C2orf78: variants seen among roughly 807,000 people sequenced by gnomAD.
C2orf78 encodes uncharacterized protein C2orf78.
C2orf78 carries 12 observed loss-of-function variants against 21.4 expected under a neutral mutation model. The observed-to-expected ratio is 0.56, with a 90% confidence interval of 0.36 to 0.91. The LOEUF (loss-of-function observed/expected upper bound fraction) is 0.91. Ranked by LOEUF, C2orf78 falls within the 40% of genes least tolerant of loss-of-function variation. The pLI is 0.01. For missense variants in C2orf78, 1,042 were observed against 1,092.4 expected (o/e 0.95, Z 0.65); for synonymous variants, 396 against 413.9 (o/e 0.96, Z 0.52).
exon 3 of C2orf78, chr2:73,816,620 T>G: frequency 6.2e-7 from 1 of 1,613,334 alleles, no homozygotes; most frequent in Non-Finnish European, 8.5e-7. Flanking sequence ...CAGCCAACCC[T>G]ACCCAGCCTA....
intron 1 of C2orf78, chr2:73,808,952 A>C (rs1673014552): frequency 3.3e-6 from 2 of 602,630 alleles, no homozygotes; most frequent in Non-Finnish European, 5.8e-6. Flanking sequence ...CTTTGCCACT[A>C]AATTTAGATT....
chr2:73,815,941 C>T (rs745671895), exon 3 of C2orf78: 3 of 1,613,654 alleles, frequency 1.9e-6, no homozygotes, highest in South Asian at 2.2e-5. Context: ...CAGGAAAAGA[C>T]CAAAGGGAAC....
At chr2:73,807,873 A>G (rs1314141127) in intron 1 of C2orf78, among the ~76,000 whole-genome samples, 2 of 149,886 alleles carry the variant, frequency 1.3e-5, no homozygotes, top group Non-Finnish European at 2.9e-5. Context: ...AGAGCCTTGG[A>G]CCACATCATT....
In C2orf78 at chr2:73,784,468, T is replaced by C. The variant is rs975979114; in HGVS notation, c.97+62T>C. The C allele has an allele frequency of 1.8e-4, 106 of 580,466 alleles. 2 individuals carry two copies. Among genetic ancestry groups the C allele is most frequent in the African/African-American group, 1.7e-3 (91 of 52,040 alleles). The allele number at this position is 580,466 out of a possible 1,614,324, so 36.0% of individuals were successfully genotyped here. On this transcript the variant is annotated intron_variant, in intron 1 of 2. Coordinates refer to ENST00000409561, the Ensembl canonical transcript of C2orf78. ...ATTTCTTTGCCACTAAATTTAGATT[T>C]CTTTCCCCCTATATTCCCAAACAGC...
intron 1 of C2orf78, among the ~76,000 whole-genome samples, chr2:73,810,791 T>TAA (rs1673071429): frequency 9.4e-6 from 1 of 106,346 alleles, no homozygotes; most frequent in East Asian, 2.7e-4. Context: ...ACATGTATAT[T>TAA]TTATATATAT....
Position 73,814,183 on chromosome 2 carries a change from T to TC in C2orf78, c.804_805insC (p.Tyr269LeufsTer49). ...CACCAGTCTCTACTTCTGGGATGTATTACTCTGTGTCTTCTCAACCCATCA... is the reference window on the plus strand; with the variant it reads ...CACCAGTCTCTACTTCTGGGATGTATCTACTCTGTGTCTTCTCAACCCATCA... On this transcript the variant is annotated frameshift_variant, in exon 2 of 3. Transcript: ENST00000409561. LOFTEE classifies it low-confidence loss of function (END_TRUNC). 1 of 1,597,974 alleles carries TC rather than the reference T, an allele frequency of 6.3e-7. No individual in the cohort carries two copies. The highest frequency in any genetic ancestry group is 8.6e-7 in the Non-Finnish European group (1 of 1,168,068).
In C2orf78 at chr2:73,810,769, T is replaced by C. The variant is rs545350818; in HGVS notation, c.98-2708T>C. ...GTATATTTTATGTATATATAATATA[T>C]ATATAAAATATACATGTATATTTTA... is the stretch of plus-strand genomic sequence containing the variant. On this transcript the variant is annotated intron_variant, in intron 1 of 2. Transcript: ENST00000409561. Among the ~76,000 whole-genome samples, 400 of 127,956 alleles carry C rather than the reference T, an allele frequency of 3.1e-3. 7 individuals carry two copies. Among genetic ancestry groups the C allele is most frequent in the African/African-American group, 0.011 (384 of 33,820 alleles). The allele number at this position is 127,956 out of a possible 152,430, so 83.9% of individuals were successfully genotyped here. A position where few individuals can be genotyped will look rare whatever the true frequency, so the allele number is the denominator to read the frequency against.
intron 1 of C2orf78, chr2:73,809,007 T>C: frequency 1.7e-6 from 1 of 574,806 alleles, no homozygotes; most frequent in Non-Finnish European, 3.0e-6. Context: ...ACAGGGAAAG[T>C]ATTGAAGTAG....
chr2:73,807,966 G>C (rs925956353), intron 1 of C2orf78, among the ~76,000 whole-genome samples: 3 of 150,970 alleles, frequency 2.0e-5, no homozygotes, highest in Non-Finnish European at 1.5e-5. Context: ...CCTTAAAATC[G>C]GCAGTAGGGC....
chr2:73,816,166 C>T (rs746439725), exon 3 of C2orf78: 24 of 1,613,802 alleles, frequency 1.5e-5, no homozygotes, highest in Non-Finnish European at 1.8e-5. Context: ...GATATGAAAA[C>T]TGGATTCTCT....
chr2:73,814,243 A>G lies in C2orf78; in HGVS notation c.847+17A>G. The G allele has an allele frequency of 1.3e-6, 2 of 1,540,520 alleles. No individual in the cohort carries two copies. Among genetic ancestry groups the G allele is most frequent in the East Asian group, 2.3e-5 (1 of 44,038 alleles). ...GTGTTCAAGGTGAGTACAAACATCA[A>G]GAAAGGAGAGGAATAATGTCAGCGT... On this transcript the variant is annotated intron_variant, in intron 2 of 2. Transcript: ENST00000409561.
At chr2:73,785,621 G>A (rs116471014) in intron 1 of C2orf78, among the ~76,000 whole-genome samples, 2,110 of 152,118 alleles carry the variant, frequency 0.014, 67 homozygotes, top group African/African-American at 0.049. Context: ...ATCAATGGAC[G>A]AGGAAGGAAA....
At chr2:73,809,570 G>T (rs1673029477) in intron 1 of C2orf78, among the ~76,000 whole-genome samples, 1 of 151,910 alleles carries the variant, frequency 6.6e-6, no homozygotes, top group Non-Finnish European at 1.5e-5. Flanking sequence ...GGATCGCTTT[G>T]GGCCTAGGAG....
intron 1 of C2orf78, among the ~76,000 whole-genome samples, chr2:73,785,726 A>T (rs948239089): frequency 6.6e-6 from 1 of 151,950 alleles, no homozygotes; most frequent in Non-Finnish European, 1.5e-5. Flanking sequence ...ATGACACTTG[A>T]CAGTTTGTAA....
At chr2:73,816,361 C>T (rs780665278) in exon 3 of C2orf78, 1 of 1,613,826 alleles carries the variant, frequency 6.2e-7, no homozygotes, top group Non-Finnish European at 8.5e-7. Context: ...TTGCCACCAC[C>T]TGGGAAGGTC....
intron 1 of C2orf78, among the ~76,000 whole-genome samples, chr2:73,809,920 A>T (rs952001794): frequency 2.0e-5 from 3 of 152,206 alleles, no homozygotes; most frequent in Non-Finnish European, 2.9e-5. Flanking sequence ...TATTTTAATT[A>T]AAGCAGAAAG....
intron 1 of C2orf78, 22 bp from the exon 2 acceptor site, chr2:73,813,455 A>ATC: frequency 6.5e-7 from 1 of 1,542,082 alleles, no homozygotes; most frequent in Non-Finnish European, 8.7e-7. Flanking sequence ...CGGTTTTTTC[A>ATC]TCTCTCTCTT....
In C2orf78 at chr2:73,813,824, GT is replaced by G; in HGVS notation, c.446del (p.Val149AlafsTer13). 6.2e-7 allele frequency: 1 copy of G among 1,614,004 alleles called. No individual in the cohort carries two copies. Among genetic ancestry groups the G allele is most frequent in the Non-Finnish European group, 8.5e-7 (1 of 1,179,868 alleles). The stretch of plus-strand genomic sequence containing the variant: ...CTCACTCAGGGACTTCACTGTGACT[GT>G]CATTGATCAGAACACAGCTGTCTCT... On this transcript the variant is annotated frameshift_variant, in exon 2 of 3. Coordinates refer to ENST00000409561, the Ensembl canonical transcript of C2orf78. LOFTEE classifies it high-confidence loss of function.
At chr2:73,807,005 C>G (rs1672971819) in intron 1 of C2orf78, among the ~76,000 whole-genome samples, 1 of 141,690 alleles carries the variant, frequency 7.1e-6, no homozygotes, top group Non-Finnish European at 1.5e-5. Context: ...ACGGTGAAAC[C>G]CCGTCTCTAC....
Sources: allele counts gnomAD v4.1 joint callset (sites outside exome capture counted in the v4.1 genomes callset), GRCh38; gene constraint gnomAD v4.1.1; transcripts MANE v1.5; gene names NCBI Gene and HGNC (gene_info 2026-07-23, HGNC 2026-07-21).